SRGAP2B: variants seen among roughly 807,000 people sequenced by gnomAD.
SRGAP2B encodes the protein SLIT-ROBO Rho GTPase activating protein 2B.
SRGAP2B carries 9 observed loss-of-function variants against 22.2 expected under a neutral mutation model. That is an observed-to-expected ratio of 0.41 (90% confidence interval 0.24 to 0.71). The LOEUF (loss-of-function observed/expected upper bound fraction) is 0.71. Ranked by LOEUF, SRGAP2B falls within the 30% of genes least tolerant of loss-of-function variation. SRGAP2B has a pLI of 0.35. For synonymous variants in SRGAP2B, 36 were observed against 87.4 expected (o/e 0.41, Z 3.28); for missense variants, 114 against 235.8 (o/e 0.48, Z 3.38).
chr1:144,991,225 T>A (rs1163828571), intron 3 of SRGAP2B, among the ~76,000 whole-genome samples: 2 of 149,930 alleles, frequency 1.3e-5, no homozygotes, highest in African/African-American at 5.0e-5. Context: ...CGACACTCTG[T>A]ATCTAGCTGC....
intron 3 of SRGAP2B, among the ~76,000 whole-genome samples, chr1:144,957,094 T>C (rs1205194899): frequency 6.6e-6 from 1 of 150,526 alleles, no homozygotes; most frequent in Non-Finnish European, 1.5e-5. Context: ...AGCCTATAAC[T>C]GCAAAGCGAG....
chr1:145,063,845 GA>G (rs1193016153), intron 2 of SRGAP2B, among the ~76,000 whole-genome samples: 1 of 150,084 alleles, frequency 6.7e-6, no homozygotes, highest in Admixed American at 6.6e-5. Flanking sequence ...CAGCATCCAT[GA>G]AATAGCTCCA....
At chr1:145,006,373 T>TA (rs2102218509) in intron 2 of SRGAP2B, among the ~76,000 whole-genome samples, 1 of 150,560 alleles carries the variant, frequency 6.6e-6, no homozygotes, top group Non-Finnish European at 1.5e-5. Context: ...ATAGTCAACT[T>TA]ATAAGCAATC....
intron 4 of SRGAP2B, among the ~76,000 whole-genome samples, chr1:144,931,536 T>C (rs587688014): frequency 1.3e-5 from 2 of 150,738 alleles, no homozygotes; most frequent in Admixed American, 1.3e-4. Flanking sequence ...AAGGTTGTGA[T>C]TCCATCTGTT....
intron 2 of SRGAP2B, among the ~76,000 whole-genome samples, chr1:144,996,448 TATGCTATGTA>T (rs374966299): frequency 2.7e-5 from 4 of 148,378 alleles, no homozygotes; most frequent in African/African-American, 7.7e-5. Flanking sequence ...GCTTTCTGTC[TATGCTATGTA>T]ATGCTATGTA....
At chr1:145,041,486 T>C in intron 2 of SRGAP2B, among the ~76,000 whole-genome samples, 1 of 95,374 alleles carries the variant, frequency 1.0e-5, no homozygotes, top group East Asian at 3.3e-4. Context: ...AGACCCCATC[T>C]CAAAAAAAAA....
chr1:144,964,842 C>T (rs1324497367), intron 3 of SRGAP2B, among the ~76,000 whole-genome samples: 3 of 150,966 alleles, frequency 2.0e-5, no homozygotes, highest in Non-Finnish European at 4.4e-5. Context: ...TCGCTTGAGC[C>T]CAGGAGCTTG....
chr1:145,057,598 C>CT (rs1196910630), intron 2 of SRGAP2B, among the ~76,000 whole-genome samples: 3 of 43,272 alleles, frequency 6.9e-5, no homozygotes, highest in Non-Finnish European at 1.4e-4. Context: ...CCACTCCCGT[C>CT]TGATGGTAGG....
chr1:144,958,041 C>A (rs1212349946), intron 3 of SRGAP2B, among the ~76,000 whole-genome samples: 4 of 149,384 alleles, frequency 2.7e-5, no homozygotes, highest in Admixed American at 2.0e-4. Flanking sequence ...CTTAAATGAA[C>A]AAGGCATGGT....
At chr1:145,093,885 C>T (rs1654197501) in intron 1 of SRGAP2B, among the ~76,000 whole-genome samples, 1 of 146,330 alleles carries the variant, frequency 6.8e-6, no homozygotes, top group Non-Finnish European at 1.5e-5. Flanking sequence ...AACTTTTCTT[C>T]CTCTCCCGCC....
At chr1:144,926,572 G>A (rs1664743741) in intron 4 of SRGAP2B, among the ~76,000 whole-genome samples, 1 of 151,174 alleles carries the variant, frequency 6.6e-6, no homozygotes. Context: ...ACCCCACAGG[G>A]TTGGCCTGGT....
chr1:145,038,331 A>T (rs1377768739), intron 2 of SRGAP2B, among the ~76,000 whole-genome samples: 5 of 123,716 alleles, frequency 4.0e-5, no homozygotes, highest in Non-Finnish European at 6.3e-5. Context: ...GAAACACTGC[A>T]CAGATATATA....
At chr1:145,013,919 A>G in intron 2 of SRGAP2B, among the ~76,000 whole-genome samples, 1 of 148,870 alleles carries the variant, frequency 6.7e-6, no homozygotes. Context: ...CACTTAGGCC[A>G]AGATGGTATG....
intron 4 of SRGAP2B, among the ~76,000 whole-genome samples, chr1:144,920,120 G>T (rs1298922757): frequency 6.6e-6 from 1 of 150,776 alleles, no homozygotes; most frequent in Non-Finnish European, 1.5e-5. Flanking sequence ...CGTTTTTACA[G>T]AGTGCTGATT....
intron 2 of SRGAP2B, among the ~76,000 whole-genome samples, chr1:145,022,926 G>A (rs1203759108): frequency 1.3e-5 from 2 of 149,584 alleles, no homozygotes; most frequent in East Asian, 2.0e-4. Flanking sequence ...CAGCACTTTG[G>A]GAGGCCCAGG....
chr1:144,941,477 T>A (rs1666040287), intron 4 of SRGAP2B, among the ~76,000 whole-genome samples: 1 of 146,906 alleles, frequency 6.8e-6, no homozygotes, highest in Non-Finnish European at 1.5e-5. Context: ...ACCCAAATGA[T>A]TTGTAGAGAA....
chr1:144,977,176 GCA>G (rs1480846709), intron 3 of SRGAP2B, among the ~76,000 whole-genome samples: 1 of 81,090 alleles, frequency 1.2e-5, no homozygotes, highest in Non-Finnish European at 2.2e-5. Context: ...CTGATATGAT[GCA>G]CTGAGAAGAA....
At chr1:144,970,589 T>C (rs1553613086) in intron 3 of SRGAP2B, among the ~76,000 whole-genome samples, 1 of 126,158 alleles carries the variant, frequency 7.9e-6, no homozygotes, top group East Asian at 2.4e-4. Context: ...ATGGCACATG[T>C]ATACATATGT....
At chr1:144,987,737 TTC>T (rs1215285603) in intron 3 of SRGAP2B, among the ~76,000 whole-genome samples, 1 of 151,578 alleles carries the variant, frequency 6.6e-6, no homozygotes, top group African/African-American at 2.4e-5. Flanking sequence ...CAGGTACCAA[TTC>T]TGTTTCAGCA....
Sources: allele counts gnomAD v4.1 joint callset (sites outside exome capture counted in the v4.1 genomes callset), GRCh38; gene constraint gnomAD v4.1.1; transcripts MANE v1.5; gene names NCBI Gene and HGNC (gene_info 2026-07-23, HGNC 2026-07-21).